The following SLC9A9 variants were observed in gnomAD, a reference collection of about 807,000 sequenced individuals.
The protein encoded by SLC9A9 is solute carrier family 9 member A9.
A neutral mutation model predicts 77.8 loss-of-function variants in SLC9A9; 62 were observed. That is an observed-to-expected ratio of 0.80 (90% CI 0.65 to 0.98). The LOEUF (loss-of-function observed/expected upper bound fraction) is 0.98. SLC9A9 is among the 50% of genes least tolerant of loss of function. SLC9A9 has a pLI of 0.00. For synonymous variants in SLC9A9, 320 were observed against 283.5 expected, an observed-to-expected ratio of 1.13 and a Z score of -1.29; for missense variants, 775 against 774.9, an observed-to-expected ratio of 1.00 and a Z score of 0.00.
intron 4 of SLC9A9, among the ~76,000 whole-genome samples, chr3:143,752,184 G>A (rs1382493975): frequency 6.6e-6 from 1 of 152,128 alleles, no homozygotes; most frequent in Non-Finnish European, 1.5e-5. Context: ...ATCCTTATGT[G>A]GAAAGAAAAT....
intron 14 of SLC9A9, among the ~76,000 whole-genome samples, chr3:143,325,421 C>T (rs2031562808): frequency 6.6e-6 from 1 of 152,192 alleles, no homozygotes. Flanking sequence ...AACCTAAAAC[C>T]TTACCCTTGG....
intron 4 of SLC9A9, among the ~76,000 whole-genome samples, chr3:143,766,184 A>G (rs1345744735): frequency 6.6e-6 from 1 of 152,210 alleles, no homozygotes; most frequent in Admixed American, 6.5e-5. Context: ...ATGCATGCTA[A>G]GTTCTGGAAT....
intron 3 of SLC9A9, among the ~76,000 whole-genome samples, chr3:143,795,748 TC>T (rs1322216689): frequency 6.6e-6 from 1 of 151,616 alleles, no homozygotes; most frequent in Non-Finnish European, 1.5e-5. Context: ...ACAAAACAAA[TC>T]CCCCAAACCT....
intron 6 of SLC9A9, among the ~76,000 whole-genome samples, chr3:143,580,557 A>T (rs1054075027): frequency 6.6e-6 from 1 of 152,214 alleles, no homozygotes; most frequent in East Asian, 1.9e-4. Flanking sequence ...AGGAGATTTT[A>T]TTAAAGAATA....
At chr3:143,810,073 TTAAAGA>T (rs2008824134) in intron 2 of SLC9A9, among the ~76,000 whole-genome samples, 1 of 152,220 alleles carries the variant, frequency 6.6e-6, no homozygotes, top group Non-Finnish European at 1.5e-5. Context: ...AATTCAATTC[TTAAAGA>T]TAAAATGGGA....
chr3:143,377,604 A>G (rs990369804), intron 13 of SLC9A9, among the ~76,000 whole-genome samples: 10 of 152,264 alleles, frequency 6.6e-5, no homozygotes, highest in Admixed American at 6.5e-4. Flanking sequence ...AGAAAATTGG[A>G]AGGTAACGTC....
At chr3:143,684,220 T>C (rs1188315461) in intron 5 of SLC9A9, among the ~76,000 whole-genome samples, 1 of 152,058 alleles carries the variant, frequency 6.6e-6, no homozygotes, top group Non-Finnish European at 1.5e-5. Flanking sequence ...GGGCCTTTTA[T>C]ATTGTGAAGC....
At chr3:143,309,994 A>AT (rs1286243680) in intron 14 of SLC9A9, among the ~76,000 whole-genome samples, 1 of 152,172 alleles carries the variant, frequency 6.6e-6, no homozygotes, top group East Asian at 1.9e-4. Context: ...TAAGTGATTT[A>AT]TTTTTTAATT....
chr3:143,484,303 C>G (rs1445196008), intron 11 of SLC9A9, among the ~76,000 whole-genome samples: 2 of 152,150 alleles, frequency 1.3e-5, no homozygotes, highest in African/African-American at 4.8e-5. Flanking sequence ...CCAGAAAAGG[C>G]CAGACAGTGT....
At chr3:143,617,982 A>T (rs2038135038) in intron 6 of SLC9A9, among the ~76,000 whole-genome samples, 1 of 152,210 alleles carries the variant, frequency 6.6e-6, no homozygotes, top group Non-Finnish European at 1.5e-5. Context: ...AGGCAATGGG[A>T]TCACTTAAGA....
intron 2 of SLC9A9, among the ~76,000 whole-genome samples, chr3:143,826,476 T>G (rs886764309): frequency 2.0e-5 from 3 of 152,168 alleles, no homozygotes; most frequent in African/African-American, 7.2e-5. Flanking sequence ...TACCTCTTGG[T>G]TACCATCCAA....
chr3:143,281,364 C>A (rs1466323182), intron 14 of SLC9A9, among the ~76,000 whole-genome samples: 1 of 151,896 alleles, frequency 6.6e-6, no homozygotes, highest in African/African-American at 2.4e-5. Flanking sequence ...ATACAGTATT[C>A]TATTTCATTA....
chr3:143,455,325 A>C (rs1446335110), intron 12 of SLC9A9, among the ~76,000 whole-genome samples: 2 of 152,208 alleles, frequency 1.3e-5, no homozygotes, highest in African/African-American at 4.8e-5. Context: ...AGAAATGTTA[A>C]AGTGAGTCTT....
At chr3:143,487,544 A>T (rs999359682) in intron 11 of SLC9A9, among the ~76,000 whole-genome samples, 5 of 151,958 alleles carry the variant, frequency 3.3e-5, no homozygotes, top group Admixed American at 1.3e-4. Context: ...TTCCTAAAAG[A>T]TTTAAAAAGA....
intron 14 of SLC9A9, among the ~76,000 whole-genome samples, chr3:143,292,201 G>T (rs2030028564): frequency 6.6e-6 from 1 of 152,158 alleles, no homozygotes; most frequent in Non-Finnish European, 1.5e-5. Flanking sequence ...ATGGTGCTTG[G>T]CTACCATGGG....
intron 14 of SLC9A9, among the ~76,000 whole-genome samples, chr3:143,350,794 A>C (rs1446117672): frequency 2.6e-5 from 4 of 152,224 alleles, no homozygotes; most frequent in African/African-American, 9.6e-5. Context: ...ACTAGCAGCC[A>C]GATCTTCAAA....
intron 2 of SLC9A9, chr3:143,811,801 G>A (rs2008873603): frequency 2.3e-6 from 1 of 443,776 alleles, no homozygotes; most frequent in South Asian, 1.6e-5. Flanking sequence ...GGCAGAGGTT[G>A]CAGTGAGCCA....
At chr3:143,339,617 G>A (rs576583176) in intron 14 of SLC9A9, among the ~76,000 whole-genome samples, 11 of 152,102 alleles carry the variant, frequency 7.2e-5, no homozygotes, top group East Asian at 3.9e-4. Flanking sequence ...AAGGCTTCCC[G>A]TCACATTGTA....
chr3:143,429,752 C>T (rs534751612), intron 12 of SLC9A9, among the ~76,000 whole-genome samples: 2 of 96,442 alleles, frequency 2.1e-5, no homozygotes, highest in African/African-American at 5.3e-5. Flanking sequence ...GTGTGGAGTC[C>T]TAGTCCTCAG....
Sources: allele counts gnomAD v4.1 joint callset (sites outside exome capture counted in the v4.1 genomes callset), GRCh38; gene constraint gnomAD v4.1.1; transcripts MANE v1.5; gene names NCBI Gene and HGNC (gene_info 2026-07-23, HGNC 2026-07-21).